CTSD: variants seen among roughly 807,000 people sequenced by gnomAD.
The protein encoded by CTSD is ceroid-lipofuscinosis, neuronal 10.
CTSD carries 28 observed loss-of-function variants against 43.6 expected under a neutral mutation model. That is an observed-to-expected ratio of 0.64 (90% CI 0.48 to 0.88). The LOEUF (loss-of-function observed/expected upper bound fraction) is 0.88, where lower values mean the gene tolerates loss of function less well. Among genes scored for constraint, CTSD ranks in the 40% least tolerant of loss-of-function variants. The pLI, the probability that CTSD is intolerant of heterozygous loss-of-function variation, is 0.00. For synonymous variants in CTSD, 270 were observed against 249.8 expected (o/e 1.08, Z -0.76); for missense variants, 485 against 555.2 (o/e 0.87, Z 1.27).
In CTSD at chr11:1,754,010, G is replaced by A. The variant is rs373170074; in HGVS notation, c.956C>T (p.Pro319Leu). Reference protein sequence around the residue: ...RELQKAIGAVPLIQGEYMIPC... With the variant: ...RELQKAIGAVLLIQGEYMIPC... ...GGCGCTCACCTCGCCCTGAATCAGC[G>A]GCACGGCCCCGATGGCCTTCTGCAG... Residue 319 changes from proline to leucine, a missense_variant, in exon 7 of 9, where the codon CCG becomes CTG. Coordinates refer to ENST00000236671, the MANE Select transcript of CTSD (RefSeq NM_001909.5). 3.1e-6 allele frequency: 5 copies of A among 1,599,056 alleles called. No individual in the cohort carries two copies. Among genetic ancestry groups the A allele is most frequent in the African/African-American group, 1.3e-5 (1 of 74,378 alleles).
In CTSD at chr11:1,753,533, C is replaced by T. The variant is rs756019204; in HGVS notation, c.1209G>A (p.Arg403=). 1 of 1,612,888 alleles carries T rather than the reference C, an allele frequency of 6.2e-7. No homozygotes were observed. The highest frequency in any genetic ancestry group is 1.3e-5 in the African/African-American group (1 of 74,906). ...GGCGGGCAGCCTCGGCGAAGCCCAC[C>T]CTGTTGTTGTCACGGTCAAACACAG... ...YYTVFDRDNN[R]VGFAEAARL is the part of the protein sequence containing the mutation. Residue 403 remains arginine, a synonymous_variant, in exon 9 of 9, where the codon AGG becomes AGA. Transcript: ENST00000236671.
intron 1 of CTSD, chr11:1,763,489 C>A: frequency 2.5e-6 from 1 of 400,966 alleles, no homozygotes; most frequent in Non-Finnish European, 4.5e-6. Flanking sequence ...TACCTCCCCC[C>A]GCCCCGCCCC....
chr11:1,763,226 G>A (rs1219552593), intron 1 of CTSD, among the ~76,000 whole-genome samples: 1 of 152,154 alleles, frequency 6.6e-6, no homozygotes, highest in Non-Finnish European at 1.5e-5. Flanking sequence ...CGGGGTGGGT[G>A]AGCCGACCCA....
At chr11:1,761,693 G>T in intron 1 of CTSD, 1 of 602,906 alleles carries the variant, frequency 1.7e-6, no homozygotes. Flanking sequence ...CCTAAGAAGT[G>T]GTCACCCGCC....
intron 4 of CTSD, among the ~76,000 whole-genome samples, chr11:1,758,370 AC>A (rs1450424242): frequency 6.6e-6 from 1 of 152,094 alleles, no homozygotes; most frequent in Non-Finnish European, 1.5e-5. Flanking sequence ...CCCCCAGCAG[AC>A]AGCTCCGAGG....
chr11:1,761,325 A>AGCACCTCGGGAATGG lies in CTSD; in HGVS notation c.197_211dup (p.Pro66_Val70dup). On this transcript the variant is annotated inframe_insertion, in exon 2 of 9. Coordinates refer to ENST00000236671, the MANE Select transcript of CTSD (RefSeq NM_001909.5). ...CATACTCACGTCCATGTAGTTCTTG[A>AGCACCTCGGGAATGG]GCACCTCGGGAATGGGCCCCTCGGT... The AGCACCTCGGGAATGG allele has an allele frequency of 6.2e-7, 1 of 1,613,816 alleles. No homozygotes were observed. Among genetic ancestry groups the AGCACCTCGGGAATGG allele is most frequent in the Non-Finnish European group, 8.5e-7 (1 of 1,179,996 alleles).
intron 6 of CTSD, among the ~76,000 whole-genome samples, chr11:1,754,465 G>A (rs1351770948): frequency 7.4e-6 from 1 of 135,466 alleles, no homozygotes; most frequent in Non-Finnish European, 1.6e-5. Context: ...ACAGATGGAG[G>A]GGATGGAGGG....
chr11:1,755,268 G>A, intron 5 of CTSD: 1 of 574,872 alleles, frequency 1.7e-6, no homozygotes, highest in South Asian at 1.9e-5. Context: ...CAACCCTCAG[G>A]TTCTCCTGGT....
chr11:1,756,017 C>T (rs1845804773), intron 5 of CTSD, among the ~76,000 whole-genome samples: 1 of 152,158 alleles, frequency 6.6e-6, no homozygotes. Context: ...CAACCATGTG[C>T]ACCTCCCCCA....
intron 5 of CTSD, among the ~76,000 whole-genome samples, chr11:1,756,587 G>A (rs114032745): frequency 0.1 from 15,392 of 151,922 alleles, 974 homozygotes; most frequent in Middle Eastern, 0.2. Context: ...CGGCTGACAC[G>A]CTGCCCACCC....
rs1013252478 is a variant in CTSD, at chr11:1,753,277, C to G, written c.*226G>C. 1.6e-6 allele frequency: 1 copy of G among 619,138 alleles called. No individual in the cohort carries two copies. Among genetic ancestry groups the G allele is most frequent in the East Asian group, 2.8e-5 (1 of 35,716 alleles). 38.4% of individuals were successfully genotyped at this position (619,138 alleles called of 1,614,324 possible). The stretch of plus-strand genomic sequence containing the variant: ...TCTGTGCTCTGGATCAGCTCTACCC[C>G]CACCAAACAGATGGAGAGACAGACA... On this transcript the variant is annotated 3_prime_UTR_variant, in exon 9 of 9. Coordinates refer to ENST00000236671, the MANE Select transcript of CTSD (RefSeq NM_001909.5).
rs139154882 is a variant in CTSD, at chr11:1,759,601, G to C, written c.267C>G (p.Pro89=). The change falls in exon 3 of 9, where the codon CCC becomes CCG. Residue 89 remains proline, a synonymous_variant. Coordinates refer to ENST00000236671, the MANE Select transcript of CTSD (RefSeq NM_001909.5). ...YYGEIGIGTP[P]QCFTVVFDTG... ...TGTCGAAGACGACTGTGAAGCACTG[G>C]GGGGGCGTCCCGATGCCAATCTCCC... is the stretch of plus-strand genomic sequence containing the variant. The C allele has an allele frequency of 3.0e-5, 49 of 1,613,520 alleles. No homozygotes were observed. In the African/African-American group the frequency reaches 5.3e-4, roughly 18 times the overall value.
intron 6 of CTSD, among the ~76,000 whole-genome samples, chr11:1,754,615 G>GATGGAGGGC (rs1297715985): frequency 6.8e-6 from 1 of 146,012 alleles, no homozygotes; most frequent in Non-Finnish European, 1.5e-5. Flanking sequence ...GGATGGAGGG[G>GATGGAGGGC]ATGGAGGGCA....
intron 4 of CTSD, among the ~76,000 whole-genome samples, chr11:1,758,194 A>T (rs1338854501): frequency 6.6e-6 from 1 of 151,934 alleles, no homozygotes; most frequent in Non-Finnish European, 1.5e-5. Flanking sequence ...TACAGACTGG[A>T]CTCCAGCCCA....
Position 1,757,317 on chromosome 11 carries a change from C to A in CTSD, c.704+7G>T, listed in dbSNP as rs748547852. The A allele has an allele frequency of 1.8e-5, 29 of 1,611,134 alleles. No individual in the cohort carries two copies. Among genetic ancestry groups the A allele is most frequent in the Non-Finnish European group, 2.5e-6 (3 of 1,178,082 alleles). On this transcript the variant is annotated splice_region_variant and intron_variant, in intron 5 of 8. Coordinates refer to ENST00000236671, the MANE Select transcript of CTSD (RefSeq NM_001909.5). ...AACGCGGAGCGAGAGGGAACCCACA[C>A]GCCCACCTGCTCAGGTAGAAGGAGA...
At chr11:1,754,595 A>G in intron 6 of CTSD, among the ~76,000 whole-genome samples, 2 of 56,790 alleles carry the variant, frequency 3.5e-5, no homozygotes, top group African/African-American at 6.3e-5. Flanking sequence ...AGAGTCACAG[A>G]GGGATGAGGG....
intron 5 of CTSD, 74 bp downstream of exon 5, chr11:1,757,250 T>A (rs895179132): frequency 1.7e-6 from 2 of 1,196,746 alleles, no homozygotes; most frequent in South Asian, 1.3e-5. Flanking sequence ...TGAGAGGGGG[T>A]GCCTAGAAGG....
At chr11:1,756,967 C>T (rs1411362085) in intron 5 of CTSD, among the ~76,000 whole-genome samples, 1 of 152,178 alleles carries the variant, frequency 6.6e-6, no homozygotes, top group East Asian at 1.9e-4. Flanking sequence ...CACATGTGCC[C>T]ATCACCAGGT....
chr11:1,757,547 G>C lies in CTSD; in HGVS notation c.481C>G (p.Gln161Glu). ...LSQDTVSVPCQSASSASALGG... is the reference protein window; with the variant it reads ...LSQDTVSVPCESASSASALGG... ...AGGGCAGAGGCTGACGACGCTGACT[G>C]GCAGGGCACCTGCAGGCCAGGGCAG... is the stretch of plus-strand genomic sequence containing the variant. The change falls in exon 5 of 9, where the codon CAG becomes GAG. Residue 161 changes from glutamine to glutamate, a missense_variant. Transcript: ENST00000236671. 1 of 1,610,288 alleles carries C rather than the reference G, an allele frequency of 6.2e-7. No individual in the cohort carries two copies. The highest frequency in any genetic ancestry group is 1.3e-5 in the African/African-American group (1 of 75,028).
Sources: allele counts gnomAD v4.1 joint callset (sites outside exome capture counted in the v4.1 genomes callset), GRCh38; gene constraint gnomAD v4.1.1; transcripts MANE v1.5; gene names NCBI Gene and HGNC (gene_info 2026-07-23, HGNC 2026-07-21).